SLIT1: variants seen among roughly 807,000 people sequenced by gnomAD.
SLIT1 encodes slit guidance ligand 1.
A neutral mutation model predicts 186.1 loss-of-function variants in SLIT1; 66 were observed. The ratio of observed to expected loss-of-function variants is 0.35; its 90% CI spans 0.29 to 0.44. The LOEUF is 0.44. Among genes scored for constraint, SLIT1 ranks in the 20% least tolerant of loss-of-function variants. SLIT1 has a pLI of 1.00. For synonymous variants in SLIT1, 761 were observed against 833.8 expected (o/e 0.91, Z 1.50); for missense variants, 1,638 against 2,037.4 (o/e 0.80, Z 3.77).
rs183393004 is a variant in SLIT1 at position 97,056,274 on chromosome 10, G to C, written c.1301+47C>G. On this transcript the variant is annotated intron_variant, in intron 13 of 36. Coordinates refer to ENST00000266058, the MANE Select transcript of SLIT1 (RefSeq NM_003061.3). ...TCCCTGGAGGCTGCAACCTCCCCCA[G>C]GCCCACCTGCTGGGAGGGGAGAAGA... The C allele has an allele frequency of 2.7e-3, 4,393 of 1,605,936 alleles. 15 individuals carry two copies. The highest frequency in any genetic ancestry group is 3.5e-3 in the Non-Finnish European group (4,080 of 1,173,756).
chr10:97,001,822 C>G (rs775826626), intron 36 of SLIT1, among the ~76,000 whole-genome samples: 1 of 152,138 alleles, frequency 6.6e-6, no homozygotes, highest in Non-Finnish European at 1.5e-5. Flanking sequence ...GTCCCCAACC[C>G]TCGGACTTCC....
At chr10:97,132,772 T>C (rs1849666185) in intron 4 of SLIT1, among the ~76,000 whole-genome samples, 1 of 152,214 alleles carries the variant, frequency 6.6e-6, no homozygotes, top group South Asian at 2.1e-4. Context: ...TATTATACCT[T>C]GTAGACCTGC....
At position 97,018,992 on chromosome 10, in the gene SLIT1, G is replaced by T. The variant is rs764502402; in HGVS notation, c.2862C>A (p.Ser954Arg). 2 of 1,607,188 alleles carry T rather than the reference G, an allele frequency of 1.2e-6. No homozygotes were observed. The highest frequency in any genetic ancestry group is 2.2e-5 in the East Asian group (1 of 44,846). The change falls in exon 27 of 37, where the codon AGC becomes AGA. Residue 954 changes from serine (S) to arginine (R), a missense_variant. This residue lies in a region of SLIT1 where 1,245 missense variants were observed against 1,535.3 expected (regional missense o/e 0.81). Coordinates refer to ENST00000266058, the MANE Select transcript of SLIT1 (RefSeq NM_003061.3). ...PLEVYRCACPSGYKGRDCEVS... is the reference protein window; with the variant it reads ...PLEVYRCACPRGYKGRDCEVS... The stretch of plus-strand genomic sequence containing the variant: ...CTCTGCCTCCACTCACCTTATAGCC[G>T]CTGGGGCAGGCGCACCTGTACACCT...
intron 25 of SLIT1, among the ~76,000 whole-genome samples, chr10:97,028,620 A>G (rs1489206284): frequency 6.6e-6 from 1 of 152,206 alleles, no homozygotes; most frequent in African/African-American, 2.4e-5. Context: ...CAATGACAGC[A>G]TAAATGGTAC....
chr10:97,001,791 C>T (rs984592766), intron 36 of SLIT1, among the ~76,000 whole-genome samples: 12 of 152,106 alleles, frequency 7.9e-5, no homozygotes, highest in African/African-American at 2.4e-4. Flanking sequence ...GTCAAGCAGG[C>T]CAGGGAGGGC....
Position 97,065,998 on chromosome 10 carries a change from C to T in SLIT1, c.485+17G>A, listed in dbSNP as rs1248360863. The T allele has an allele frequency of 6.3e-7, 1 of 1,586,812 alleles. No homozygotes were observed. Among genetic ancestry groups the T allele is most frequent in the Non-Finnish European group, 8.6e-7 (1 of 1,161,962 alleles). Reference sequence around the variant, plus strand: ...CTGGAGCCCCCACACCCTTCTCCCTCCCAGGCCTGTACTCACAAATTTTTA... The same window carrying T: ...CTGGAGCCCCCACACCCTTCTCCCTTCCAGGCCTGTACTCACAAATTTTTA... On this transcript the variant is annotated intron_variant, in intron 5 of 36. Coordinates refer to ENST00000266058, the MANE Select transcript of SLIT1 (RefSeq NM_003061.3).
chr10:97,165,613 G>A (rs1850094346), intron 1 of SLIT1, among the ~76,000 whole-genome samples: 3 of 152,162 alleles, frequency 2.0e-5, no homozygotes, highest in Admixed American at 1.3e-4. Flanking sequence ...TCAGAAGCAG[G>A]GCTGAGGGAA....
chr10:97,098,162 TGAA>T (rs1849310954), intron 4 of SLIT1, among the ~76,000 whole-genome samples: 2 of 152,176 alleles, frequency 1.3e-5, no homozygotes, highest in Admixed American at 6.5e-5. Flanking sequence ...GCAGGGAATG[TGAA>T]CGTGCACACA....
rs555646220 is a variant in SLIT1 at position 97,125,118 on chromosome 10, G to C, written c.413+32700C>G. On this transcript the variant is annotated intron_variant, in intron 4 of 36. Transcript: ENST00000266058. ...AACAGAGCTTCTTGTATACTGTGAA[G>C]ATGGAACAGCTTTTCTAAACAGCAA... is the stretch of plus-strand genomic sequence containing the variant. Among the ~76,000 whole-genome samples, 6 of 152,304 alleles carry C rather than the reference G, an allele frequency of 3.9e-5. No homozygotes were observed. The South Asian group carries it at 1.0e-3, about 26-fold the overall frequency.
rs374669687 is a variant in SLIT1 at position 97,057,910 on chromosome 10, A to G, written c.1086-629T>C. ...CAGGAGGTTTGGGGAGGGGGGTTGT[A>G]TGCCATTCCCAATATCATAATCGGA... On this transcript the variant is annotated intron_variant, in intron 11 of 36. Transcript: ENST00000266058. 122 of 702,658 alleles carry G rather than the reference A, an allele frequency of 1.7e-4. No homozygotes were observed. The East Asian group carries it at 2.9e-3, about 17-fold the overall frequency. The allele number at this position is 702,658 out of a possible 1,614,324, so 43.5% of individuals were successfully genotyped here. A position where few individuals can be genotyped will look rare whatever the true frequency, so the allele number is the denominator to read the frequency against.
chr10:97,067,915 C>T (rs1327039160), intron 4 of SLIT1, among the ~76,000 whole-genome samples: 1 of 152,166 alleles, frequency 6.6e-6, no homozygotes, highest in Admixed American at 6.5e-5. Flanking sequence ...CCTGCCCCGC[C>T]GCACACCGCC....
chr10:97,095,107 AC>A (rs374071083), intron 4 of SLIT1, among the ~76,000 whole-genome samples: 15 of 152,240 alleles, frequency 9.9e-5, no homozygotes, highest in African/African-American at 3.1e-4. Context: ...ACATAGTGAA[AC>A]CCCGTCTCTA....
At chr10:97,153,528 TGC>T (rs1378553380) in intron 4 of SLIT1, 2 of 144,476 alleles carry the variant, frequency 1.4e-5, no homozygotes, top group African/African-American at 5.1e-5. Flanking sequence ...AGAACAGGAA[TGC>T]CAGGCACTGC....
chr10:97,075,586 C>G (rs1246376976), intron 4 of SLIT1, among the ~76,000 whole-genome samples: 1 of 152,208 alleles, frequency 6.6e-6, no homozygotes, highest in Non-Finnish European at 1.5e-5. Context: ...ACTCAGCGTG[C>G]CCACTGGTAG....
chr10:97,179,535 C>G (rs11189022), intron 1 of SLIT1, among the ~76,000 whole-genome samples: 427 of 152,316 alleles, frequency 2.8e-3, no homozygotes, highest in African/African-American at 7.5e-3. Context: ...TAAGATCTCT[C>G]GGTAGGTGAT....
chr10:97,047,088 T>C, intron 16 of SLIT1, 23 bp from the exon 17 acceptor site: 1 of 1,479,710 alleles, frequency 6.8e-7, no homozygotes, highest in Non-Finnish European at 9.5e-7. Context: ...AGAATGAACT[T>C]GCACATTCAC....
intron 18 of SLIT1, 130 bp downstream of exon 18, chr10:97,046,524 C>T: frequency 1.1e-6 from 1 of 876,264 alleles, no homozygotes; most frequent in Non-Finnish European, 1.7e-6. Context: ...CAGTCAGGAT[C>T]CTCAGTTCTC....
intron 4 of SLIT1, among the ~76,000 whole-genome samples, chr10:97,104,569 C>T (rs1164322909): frequency 3.3e-5 from 5 of 152,098 alleles, no homozygotes; most frequent in African/African-American, 1.2e-4. Flanking sequence ...AATAACACCC[C>T]TCTGCCTACT....
chr10:97,177,371 G>A (rs1850270596), intron 1 of SLIT1, among the ~76,000 whole-genome samples: 1 of 152,164 alleles, frequency 6.6e-6, no homozygotes, highest in African/African-American at 2.4e-5. Context: ...TCAGACTCGA[G>A]CATCAGAGTC....
Sources: gnomAD v4.1 joint callset for allele counts (sites outside exome capture counted in the v4.1 genomes callset) on GRCh38, gnomAD v4.1.1 for gene constraint, gnomAD v4.1.1 regional missense constraint, MANE v1.5 for transcripts, NCBI Gene and HGNC (gene_info 2026-07-23, HGNC 2026-07-21) for gene names.